Variants in ADAMTS9 observed in about 807,000 individuals in gnomAD.
ADAMTS9 encodes A disintegrin and metalloproteinase with thrombospondin motifs 9.
Under a neutral mutation model 257.1 loss-of-function variants are expected in ADAMTS9, and 107 were observed. The observed-to-expected ratio is 0.42, with a 90% CI of 0.36 to 0.49. The LOEUF (loss-of-function observed/expected upper bound fraction) is 0.49. Ranked by LOEUF, ADAMTS9 falls within the 20% of genes least tolerant of loss-of-function variation. The pLI, the probability that ADAMTS9 is intolerant of heterozygous loss-of-function variation, is 0.03. For missense variants in ADAMTS9, 2,353 were observed against 2,469.1 expected, an observed-to-expected ratio of 0.95 and a Z score of 1.00; for synonymous variants, 982 against 880.9, an observed-to-expected ratio of 1.11 and a Z score of -2.03.
chr3:64,527,150 T>C (rs554712598), intron 38 of ADAMTS9, among the ~76,000 whole-genome samples: 2 of 152,142 alleles, frequency 1.3e-5, no homozygotes, highest in Non-Finnish European at 2.9e-5. Flanking sequence ...AAAAGAAATA[T>C]ATTAGAAGCA....
chr3:64,671,761 T>A (rs1701496078), intron 3 of ADAMTS9, among the ~76,000 whole-genome samples: 2 of 152,202 alleles, frequency 1.3e-5, no homozygotes, highest in Admixed American at 1.3e-4. Context: ...GCTCTTTTTG[T>A]GATATTCAGA....
chr3:64,529,371 T>C (rs1233860178), intron 38 of ADAMTS9, among the ~76,000 whole-genome samples: 1 of 152,194 alleles, frequency 6.6e-6, no homozygotes, highest in Non-Finnish European at 1.5e-5. Context: ...TTAGTTTTGC[T>C]TGGGGAAAAC....
intron 29 of ADAMTS9, among the ~76,000 whole-genome samples, chr3:64,565,129 C>A (rs565777365): frequency 2.6e-5 from 4 of 152,192 alleles, no homozygotes; most frequent in Non-Finnish European, 5.9e-5. Flanking sequence ...TAAAGCAACT[C>A]TAGTTCTCCT....
chr3:64,522,200 C>T lies in ADAMTS9; in HGVS notation c.5779G>A (p.Gly1927Ser). The T allele has an allele frequency of 6.2e-7, 1 of 1,614,030 alleles. No individual in the cohort carries two copies. The highest frequency in any genetic ancestry group is 8.5e-7 in the Non-Finnish European group (1 of 1,179,936). ...GYCGKCTPSSGTGLEVRVL is the reference protein window; with the variant it reads ...GYCGKCTPSSSTGLEVRVL ...AAAACTCGCACCTCCAGGCCAGTAC[C>T]AGAGGATGGAGTGCATTTTCCACAG... The change falls in exon 39 of 40, where the codon GGT becomes AGT. Residue 1927 changes from glycine (G) to serine (S), a missense_variant. Gly to Ser is a moderately conservative substitution (Grantham distance 56). This residue lies in a region of ADAMTS9 where 1,402 missense variants were observed against 1,441.4 expected (regional missense o/e 0.97). Coordinates refer to ENST00000498707, the MANE Select transcript of ADAMTS9 (RefSeq NM_182920.2).
At chr3:64,680,934 C>T (rs1050771409) in intron 3 of ADAMTS9, among the ~76,000 whole-genome samples, 3 of 152,198 alleles carry the variant, frequency 2.0e-5, no homozygotes, top group Non-Finnish European at 4.4e-5. Flanking sequence ...AAAGGTGGCT[C>T]TTCCCATAGA....
In ADAMTS9 at chr3:64,519,251, G is replaced by A. The variant is rs369175297; in HGVS notation, c.*6-2130C>T. Among the ~76,000 whole-genome samples, 35 of 152,300 alleles carry A rather than the reference G, an allele frequency of 2.3e-4. 1 individual carries two copies. Among genetic ancestry groups the A allele is most frequent in the African/African-American group, 8.4e-4 (35 of 41,570 alleles). On this transcript the variant is annotated intron_variant, in intron 39 of 39. Coordinates refer to ENST00000498707, the MANE Select transcript of ADAMTS9 (RefSeq NM_182920.2). The stretch of plus-strand genomic sequence containing the variant: ...GGATGTATTTCTCAAAGGATGAGCT[G>A]TGATTCACTTGCATTAGAATTCTCT...
At chr3:64,654,039 T>G (rs1009014721) in intron 8 of ADAMTS9, among the ~76,000 whole-genome samples, 1 of 152,090 alleles carries the variant, frequency 6.6e-6, no homozygotes, top group Non-Finnish European at 1.5e-5. Context: ...TCTGCTTCAG[T>G]AGAAGGAATG....
chr3:64,664,355 C>G (rs1018931813), intron 3 of ADAMTS9, among the ~76,000 whole-genome samples: 6 of 152,150 alleles, frequency 3.9e-5, no homozygotes, highest in Non-Finnish European at 7.4e-5. Context: ...TAGAGTTCCA[C>G]AATCATGGCC....
At chr3:64,599,517 C>A (rs2084420593) in intron 26 of ADAMTS9, among the ~76,000 whole-genome samples, 1 of 152,160 alleles carries the variant, frequency 6.6e-6, no homozygotes, top group Non-Finnish European at 1.5e-5. Flanking sequence ...TCTGGCAGCC[C>A]AATTTCCTTT....
chr3:64,615,383 C>T lies in ADAMTS9; in HGVS notation c.3127G>A (p.Val1043Ile). The change falls in exon 21 of 40, where the codon GTT (valine) becomes ATT (isoleucine). Residue 1043 changes from valine to isoleucine, a missense_variant. Transcript: ENST00000498707. ...DDSKCTHQEK[V>I]TIQRCSEFPC... ...AACTCACTGCACCTCTGAATGGTAA[C>T]TTTCTCTTGATGTGTGCATTTGCTG... 1 of 1,614,080 alleles carries T rather than the reference C, an allele frequency of 6.2e-7. No individual in the cohort carries two copies.
intron 16 of ADAMTS9, among the ~76,000 whole-genome samples, chr3:64,630,292 G>T (rs1182092264): frequency 6.6e-6 from 1 of 152,148 alleles, no homozygotes; most frequent in East Asian, 1.9e-4. Context: ...GGCTGGGCAT[G>T]GTGGCTCATG....
At chr3:64,673,036 A>G (rs563910710) in intron 3 of ADAMTS9, among the ~76,000 whole-genome samples, 16 of 152,240 alleles carry the variant, frequency 1.1e-4, no homozygotes, top group African/African-American at 3.9e-4. Context: ...TAGGCTATGT[A>G]CCACGTAGCC....
At chr3:64,616,497 T>G (rs996560699) in intron 19 of ADAMTS9, among the ~76,000 whole-genome samples, 2 of 151,080 alleles carry the variant, frequency 1.3e-5, no homozygotes, top group Non-Finnish European at 3.0e-5. Flanking sequence ...TGTACATTAT[T>G]ATCTGTAAAT....
Position 64,681,342 on chromosome 3 carries a change from CA to C in ADAMTS9, c.537del (p.His179GlnfsTer76). On this transcript the variant is annotated frameshift_variant, in exon 3 of 40. Transcript: ENST00000498707. LOFTEE classifies it high-confidence loss of function. ...AGTGGTTCAATAAAATAATCCCCAT[CA>C]TGAGACCGGAATGTGCCCAGCTGCA... ...CSGMLGTFRS[H>X]DGDYFIEPLQ... 1 of 1,612,712 alleles carries C rather than the reference CA, an allele frequency of 6.2e-7. No homozygotes were observed. Among genetic ancestry groups the C allele is most frequent in the Non-Finnish European group, 8.5e-7 (1 of 1,179,330 alleles).
chr3:64,592,914 C>A (rs758214648), intron 28 of ADAMTS9, among the ~76,000 whole-genome samples: 1 of 151,678 alleles, frequency 6.6e-6, no homozygotes, highest in Non-Finnish European at 1.5e-5. Flanking sequence ...GGGAATTTCA[C>A]GAAAAATAAT....
chr3:64,660,949 G>A (rs73832370), intron 3 of ADAMTS9, among the ~76,000 whole-genome samples: 3,290 of 152,242 alleles, frequency 0.022, 113 homozygotes, highest in African/African-American at 0.074. Flanking sequence ...CAAAAGTTAC[G>A]GATACAGTGC....
At chr3:64,613,120 G>A (rs910227708) in intron 22 of ADAMTS9, among the ~76,000 whole-genome samples, 3 of 152,152 alleles carry the variant, frequency 2.0e-5, no homozygotes, top group African/African-American at 4.8e-5. Flanking sequence ...AGATAGGCAC[G>A]TGGGTCTGTA....
chr3:64,629,909 A>T (rs1700326952), intron 16 of ADAMTS9, among the ~76,000 whole-genome samples: 1 of 152,228 alleles, frequency 6.6e-6, no homozygotes, highest in Non-Finnish European at 1.5e-5. Context: ...TCATGTAGAC[A>T]TTCCAAAACA....
At chr3:64,596,462 G>C (rs2084365483) in intron 27 of ADAMTS9, among the ~76,000 whole-genome samples, 1 of 152,034 alleles carries the variant, frequency 6.6e-6, no homozygotes, top group African/African-American at 2.4e-5. Flanking sequence ...CATGGGAACA[G>C]GGCATAACAC....
Sources: gnomAD v4.1 joint callset for allele counts (sites outside exome capture counted in the v4.1 genomes callset) on GRCh38, gnomAD v4.1.1 for gene constraint, gnomAD v4.1.1 regional missense constraint, MANE v1.5 for transcripts, NCBI Gene and HGNC (gene_info 2026-07-23, HGNC 2026-07-21) for gene names.